Variants in PANK3 observed in about 807,000 individuals in gnomAD.
The protein encoded by PANK3 is pantothenate kinase 3.
In PANK3, 20 loss-of-function variants were observed where a neutral mutation model predicts 39.4. That is an observed-to-expected ratio of 0.51 (90% confidence interval 0.36 to 0.74). The LOEUF is 0.74. Among genes scored for constraint, PANK3 ranks in the 30% least tolerant of loss-of-function variants. The pLI is 0.00. For missense variants in PANK3, 265 were observed against 437.0 expected, an observed-to-expected ratio of 0.61 and a Z score of 3.51; for synonymous variants, 140 against 157.3, an observed-to-expected ratio of 0.89 and a Z score of 0.82.
rs910404396 is a variant in PANK3 at position 168,563,759 on chromosome 5, T to C, written c.812+130A>G. On this transcript the variant is annotated intron_variant, in intron 4 of 6. Coordinates refer to ENST00000239231, the MANE Select transcript of PANK3 (RefSeq NM_024594.4). ...CTTAATTTTTAAATGACATCAATGT[T>C]CAAAACTTGGAACCTAAACTGGATA... 15 of 723,982 alleles carry C rather than the reference T, an allele frequency of 2.1e-5. No individual in the cohort carries two copies. The African/African-American group carries it at 2.2e-4, about 11-fold the overall frequency. The allele number at this position is 723,982 out of a possible 1,614,324, so 44.8% of individuals were successfully genotyped here.
rs1759343780 is a variant in PANK3 at position 168,555,998 on chromosome 5, T to C, written c.*1573A>G. 1 of 152,226 alleles carries C rather than the reference T, an allele frequency of 6.6e-6. No homozygotes were observed. The highest frequency in any genetic ancestry group is 6.5e-5 in the Admixed American group (1 of 15,290). 9.4% of individuals were successfully genotyped at this position (152,226 alleles called of 1,614,324 possible). On this transcript the variant is annotated 3_prime_UTR_variant, in exon 7 of 7. Transcript: ENST00000239231. ...ATTAAAACTCATTCCACTATCCCTA[T>C]GTACATAAATAACATTGCCTCTGCT...
intron 1 of PANK3, among the ~76,000 whole-genome samples, chr5:168,578,155 T>C (rs2113042694): frequency 6.6e-6 from 1 of 152,354 alleles, no homozygotes; most frequent in South Asian, 2.1e-4. Flanking sequence ...ACATAGCACA[T>C]GGTTGGTACA....
intron 1 of PANK3, among the ~76,000 whole-genome samples, chr5:168,574,289 T>C (rs1241893249): frequency 6.6e-6 from 1 of 151,758 alleles, no homozygotes; most frequent in Non-Finnish European, 1.5e-5. Context: ...CATTTTTTCA[T>C]GTGTTTTTTG....
At chr5:168,572,407 G>A (rs1023222873) in intron 1 of PANK3, among the ~76,000 whole-genome samples, 4 of 152,106 alleles carry the variant, frequency 2.6e-5, no homozygotes, top group Non-Finnish European at 4.4e-5. Context: ...GGCTAAGTCC[G>A]AAAAGAGAGT....
rs545938526 is a variant in PANK3, at chr5:168,569,227, C to T, written c.29-229G>A. Among the ~76,000 whole-genome samples the T allele has an allele frequency of 4.9e-5, 7 of 144,294 alleles. No individual in the cohort carries two copies. In the South Asian group the frequency reaches 1.6e-3, roughly 32 times the overall value. 94.7% of individuals were successfully genotyped at this position (144,294 alleles called of 152,430 possible). On this transcript the variant is annotated intron_variant, in intron 1 of 6. Coordinates refer to ENST00000239231, the MANE Select transcript of PANK3 (RefSeq NM_024594.4). ...TGAGATGGAGTCTCGCTCTGTTGCC[C>T]AGGCTGGAGTGCAGTGGCGCGATCT... is the stretch of plus-strand genomic sequence containing the variant.
intron 5 of PANK3, 137 bp from the exon 6 acceptor site, chr5:168,559,294 A>AT (rs1486411147): frequency 5.5e-6 from 3 of 543,526 alleles, no homozygotes; most frequent in Non-Finnish European, 9.1e-6. Flanking sequence ...CACCTACTAC[A>AT]TTCCTGGCAT....
intron 3 of PANK3, among the ~76,000 whole-genome samples, chr5:168,564,927 G>A (rs926972236): frequency 1.3e-5 from 2 of 152,106 alleles, no homozygotes; most frequent in African/African-American, 4.8e-5. Context: ...TATTCTTCTG[G>A]ATATGCTCAC....
chr5:168,570,007 A>G (rs1759600997), intron 1 of PANK3, among the ~76,000 whole-genome samples: 1 of 151,964 alleles, frequency 6.6e-6, no homozygotes, highest in Admixed American at 6.6e-5. Context: ...CCATGTTTGC[A>G]CCACTACACT....
At chr5:168,574,226 G>A (rs535872516) in intron 1 of PANK3, among the ~76,000 whole-genome samples, 4 of 150,438 alleles carry the variant, frequency 2.7e-5, no homozygotes, top group African/African-American at 9.8e-5. Context: ...GGTGTGAGAT[G>A]GTATCTCATT....
chr5:168,574,370 T>C (rs1759698461), intron 1 of PANK3, among the ~76,000 whole-genome samples: 1 of 152,098 alleles, frequency 6.6e-6, no homozygotes, highest in African/African-American at 2.4e-5. Flanking sequence ...GGGTTGTTTG[T>C]TTTTTTAGTA....
Position 168,561,383 on chromosome 5 carries a change from GT to G in PANK3, c.936+9del. ...TGATAATTCAAGTTTTGTGTTTTTT[GT>G]TTTTTTACCTCATTAACAGCACACA... is the stretch of plus-strand genomic sequence containing the variant. On this transcript the variant is annotated intron_variant, in intron 5 of 6. Coordinates refer to ENST00000239231, the MANE Select transcript of PANK3 (RefSeq NM_024594.4). 5 of 1,561,894 alleles carry G rather than the reference GT, an allele frequency of 3.2e-6. No homozygotes were observed. The highest frequency in any genetic ancestry group is 2.0e-5 in the Admixed American group (1 of 50,572).
At position 168,548,811 on chromosome 5, in the gene PANK3, T is replaced by C. The variant is rs1332076459; in HGVS notation, c.*8760A>G. The C allele has an allele frequency of 1.3e-5, 2 of 152,222 alleles. No individual in the cohort carries two copies. The highest frequency in any genetic ancestry group is 2.9e-5 in the Non-Finnish European group (2 of 68,032). The allele number at this position is 152,222 out of a possible 1,614,324, so 9.4% of individuals were successfully genotyped here. A position where few individuals can be genotyped will look rare whatever the true frequency, so the allele number is the denominator to read the frequency against. On this transcript the variant is annotated 3_prime_UTR_variant, in exon 7 of 7. Transcript: ENST00000239231. ...ACAAGAAATGTTTTACAGATTACAATAGGCTATAACTTAGTTTATTATGAA... is the reference window on the plus strand; with the variant it reads ...ACAAGAAATGTTTTACAGATTACAACAGGCTATAACTTAGTTTATTATGAA...
rs1457442624 is a variant in PANK3 at position 168,556,978 on chromosome 5, A to G, written c.*593T>C. 1 of 152,662 alleles carries G rather than the reference A, an allele frequency of 6.6e-6. No individual in the cohort carries two copies. The highest frequency in any genetic ancestry group is 2.4e-5 in the African/African-American group (1 of 41,452). The allele number at this position is 152,662 out of a possible 1,614,324, so 9.5% of individuals were successfully genotyped here. A position where few individuals can be genotyped will look rare whatever the true frequency, so the allele number is the denominator to read the frequency against. On this transcript the variant is annotated 3_prime_UTR_variant, in exon 7 of 7. Coordinates refer to ENST00000239231, the MANE Select transcript of PANK3 (RefSeq NM_024594.4). ...ATTTTAGAATTCTCATGAAAATTTA[A>G]TAATAGTATTTCAGTTAATTATGGC...
chr5:168,564,337 AC>A (rs1418228068), intron 3 of PANK3, among the ~76,000 whole-genome samples: 8 of 152,232 alleles, frequency 5.3e-5, no homozygotes, highest in Admixed American at 1.3e-4. Context: ...TTCACCTAAT[AC>A]CTTACACTCT....
At chr5:168,558,137 C>T (rs1406360200) in intron 6 of PANK3, among the ~76,000 whole-genome samples, 1 of 144,906 alleles carries the variant, frequency 6.9e-6, no homozygotes. Flanking sequence ...TGAGCAGTGA[C>T]AATGAGACAT....
chr5:168,561,433 T>C lies in PANK3; in HGVS notation c.896A>G (p.Asn299Ser), dbSNP rs1226426121. 3 of 1,601,804 alleles carry C rather than the reference T, an allele frequency of 1.9e-6. No individual in the cohort carries two copies. The highest frequency in any genetic ancestry group is 2.6e-6 in the Non-Finnish European group (3 of 1,174,580). Residue 299 changes from asparagine (N) to serine (S), a missense_variant, in exon 5 of 7, where the codon AAT (asparagine) becomes AGT (serine). This residue lies in a region of PANK3 where 110 missense variants were observed against 161.2 expected (regional missense o/e 0.68). Transcript: ENST00000239231. ...CATTCGTGCCACAGAACCAATGTTA[T>C]TGGTGATAGTAACTAAAGTAGCTCT... ...LARATLVTIT[N>S]NIGSVARMCA...
At chr5:168,575,069 A>C (rs1759711067) in intron 1 of PANK3, among the ~76,000 whole-genome samples, 1 of 152,206 alleles carries the variant, frequency 6.6e-6, no homozygotes, top group Admixed American at 6.5e-5. Flanking sequence ...TACACATTTA[A>C]AAAGCAAAAC....
At chr5:168,557,935 T>C (rs1021510640) in intron 6 of PANK3, among the ~76,000 whole-genome samples, 3 of 152,166 alleles carry the variant, frequency 2.0e-5, no homozygotes, top group African/African-American at 4.8e-5. Flanking sequence ...GCTGGGACTA[T>C]AGGCTCACAC....
At position 168,553,345 on chromosome 5, in the gene PANK3, T is replaced by C. The variant is rs1694367547; in HGVS notation, c.*4226A>G. 1 of 510,860 alleles carries C rather than the reference T, an allele frequency of 2.0e-6. No individual in the cohort carries two copies. The highest frequency in any genetic ancestry group is 3.9e-6 in the Non-Finnish European group (1 of 254,374). The allele number at this position is 510,860 out of a possible 1,614,324, so 31.6% of individuals were successfully genotyped here. A position where few individuals can be genotyped will look rare whatever the true frequency, so the allele number is the denominator to read the frequency against. Reference sequence around the variant, plus strand: ...GAGTCCGCATTACAAGCCAGTAATCTAGTGGCCCAGGATCAGCATTTCAAC... The same window carrying C: ...GAGTCCGCATTACAAGCCAGTAATCCAGTGGCCCAGGATCAGCATTTCAAC... On this transcript the variant is annotated 3_prime_UTR_variant, in exon 7 of 7. Coordinates refer to ENST00000239231, the MANE Select transcript of PANK3 (RefSeq NM_024594.4).
Sources: allele counts gnomAD v4.1 joint callset (sites outside exome capture counted in the v4.1 genomes callset), GRCh38; gene constraint gnomAD v4.1.1; regional missense constraint gnomAD v4.1.1; transcripts MANE v1.5; gene names NCBI Gene and HGNC (gene_info 2026-07-23, HGNC 2026-07-21).